Variants in MARCHF3 observed in about 807,000 individuals in gnomAD.
MARCHF3 encodes E3 ubiquitin-protein ligase MARCHF3.
Under a neutral mutation model 24.2 loss-of-function variants are expected in MARCHF3, and 13 were observed. The observed-to-expected ratio is 0.54, with a 90% confidence interval of 0.35 to 0.85. MARCHF3 has a LOEUF of 0.85. Ranked by LOEUF, MARCHF3 falls within the 40% of genes least tolerant of loss-of-function variation. The pLI is 0.01. For missense variants in MARCHF3, 276 were observed against 325.0 expected (o/e 0.85, Z 1.16); for synonymous variants, 144 against 137.3 (o/e 1.05, Z -0.34).
intron 1 of MARCHF3, among the ~76,000 whole-genome samples, chr5:126,922,108 G>A (rs1749128688): frequency 1.3e-5 from 2 of 152,210 alleles, no homozygotes; most frequent in Non-Finnish European, 2.9e-5. Flanking sequence ...GCATAACGAG[G>A]ATGCGGCCAC....
intron 1 of MARCHF3, among the ~76,000 whole-genome samples, chr5:126,934,195 T>A (rs541231090): frequency 1.2e-4 from 19 of 152,294 alleles, no homozygotes; most frequent in Non-Finnish European, 2.2e-4. Flanking sequence ...TTATTTTTTT[T>A]ACAATATTAT....
rs767774237 is a variant in MARCHF3, at chr5:126,915,086, G to A, written c.237C>T (p.Ser79=). ...PMCRICHEGS[S]QEDLLSPCEC... is the part of the protein sequence containing the mutation. The stretch of plus-strand genomic sequence containing the variant: ...CACATGGAGAGAGCAAGTCCTCTTG[G>A]CTGCTGCCCTCGTGGCAGATCCTGC... Residue 79 remains serine (S), a synonymous_variant, in exon 3 of 5, where the codon AGC becomes AGT. Coordinates refer to ENST00000308660, the MANE Select transcript of MARCHF3 (RefSeq NM_178450.5). The A allele has an allele frequency of 6.2e-7, 1 of 1,614,056 alleles. No homozygotes were observed. The highest frequency in any genetic ancestry group is 1.3e-5 in the African/African-American group (1 of 74,922).
intron 2 of MARCHF3, 137 bp from the exon 3 acceptor site, chr5:126,915,271 G>T: frequency 1.3e-6 from 1 of 766,536 alleles, no homozygotes; most frequent in Non-Finnish European, 2.1e-6. Context: ...CTTGACCTTG[G>T]CAATGGGGCA....
chr5:126,914,797 C>CACACACACAA, intron 3 of MARCHF3, 133 bp downstream of exon 3: 1 of 755,942 alleles, frequency 1.3e-6, no homozygotes, highest in Non-Finnish European at 2.2e-6. Flanking sequence ...CACACACACA[C>CACACACACAA]ACACACACAC....
chr5:127,016,096 T>C (rs1671061242), intron 1 of MARCHF3, among the ~76,000 whole-genome samples: 1 of 152,188 alleles, frequency 6.6e-6, no homozygotes. Context: ...TTATTGTTGT[T>C]AATCTCTACT....
intron 3 of MARCHF3, 30 bp from the exon 4 acceptor site, chr5:126,878,424 A>C: frequency 6.3e-7 from 1 of 1,588,400 alleles, no homozygotes; most frequent in Non-Finnish European, 8.6e-7. Context: ...AGAGAAGAGC[A>C]AGGGAGAGGG....
At chr5:127,021,485 T>C (rs977643975) in intron 1 of MARCHF3, among the ~76,000 whole-genome samples, 3 of 152,328 alleles carry the variant, frequency 2.0e-5, no homozygotes, top group Middle Eastern at 3.4e-3. Flanking sequence ...AAGCATTACT[T>C]GGAAAATGGG....
chr5:126,951,717 G>T (rs1327347361), intron 1 of MARCHF3, among the ~76,000 whole-genome samples: 2 of 152,182 alleles, frequency 1.3e-5, no homozygotes, highest in African/African-American at 2.4e-5. Context: ...GCTTTTGGGT[G>T]ATGTTTCATG....
chr5:126,997,881 C>T (rs1752000256), intron 1 of MARCHF3, among the ~76,000 whole-genome samples: 1 of 152,028 alleles, frequency 6.6e-6, no homozygotes, highest in African/African-American at 2.4e-5. Flanking sequence ...GAAACATAGC[C>T]GGTTGTTTTG....
chr5:127,026,851 A>T (rs1199683669), intron 1 of MARCHF3, among the ~76,000 whole-genome samples: 1 of 152,246 alleles, frequency 6.6e-6, no homozygotes, highest in Non-Finnish European at 1.5e-5. Context: ...ACTCTGTAAA[A>T]GTTCCAGTGA....
At chr5:126,878,112 G>A in intron 4 of MARCHF3, 73 bp downstream of exon 4, 1 of 1,460,824 alleles carries the variant, frequency 6.8e-7, no homozygotes, top group Non-Finnish European at 9.5e-7. Flanking sequence ...TTACAGACAA[G>A]AGGAAAGGCT....
At chr5:126,976,312 C>G (rs1347212746) in intron 1 of MARCHF3, among the ~76,000 whole-genome samples, 1 of 152,210 alleles carries the variant, frequency 6.6e-6, no homozygotes, top group African/African-American at 2.4e-5. Flanking sequence ...ATGACTCGAT[C>G]AATTTCACTT....
chr5:126,972,415 A>C (rs2126830151), intron 1 of MARCHF3, among the ~76,000 whole-genome samples: 1 of 152,264 alleles, frequency 6.6e-6, no homozygotes, highest in East Asian at 1.9e-4. Context: ...TTTCTGGGCA[A>C]GGTAGTCTGA....
intron 1 of MARCHF3, among the ~76,000 whole-genome samples, chr5:126,963,615 C>G (rs1750716208): frequency 6.6e-6 from 1 of 152,094 alleles, no homozygotes; most frequent in Non-Finnish European, 1.5e-5. Context: ...ATCTAAGATA[C>G]TAAGCATTTT....
rs138327800 is a variant in MARCHF3 at position 126,958,738 on chromosome 5, A to G, written c.-56-40511T>C. 5.3e-5 allele frequency among the ~76,000 whole-genome samples: 8 copies of G among 152,296 alleles called. No individual in the cohort carries two copies. In the East Asian group the frequency reaches 1.5e-3, roughly 29 times the overall value. ...ATAGAAATTGATTGATTCCTGGCAC[A>G]CAGAGGAGACAAGTTGACAACGGCC... is the stretch of plus-strand genomic sequence containing the variant. On this transcript the variant is annotated intron_variant, in intron 1 of 4. Coordinates refer to ENST00000308660, the MANE Select transcript of MARCHF3 (RefSeq NM_178450.5).
intron 3 of MARCHF3, among the ~76,000 whole-genome samples, chr5:126,907,275 TG>T (rs1466425341): frequency 2.1e-5 from 3 of 143,596 alleles, no homozygotes; most frequent in African/African-American, 8.0e-5. Context: ...GGTGTGGTGC[TG>T]AAAAAAATGT....
intron 1 of MARCHF3, among the ~76,000 whole-genome samples, chr5:126,996,326 A>C (rs1751946521): frequency 1.3e-5 from 2 of 152,232 alleles, no homozygotes; most frequent in South Asian, 4.1e-4. Context: ...TTAAGGAATC[A>C]TTAAGCAGCT....
At chr5:126,943,668 A>G (rs1392030994) in intron 1 of MARCHF3, among the ~76,000 whole-genome samples, 2 of 152,126 alleles carry the variant, frequency 1.3e-5, no homozygotes, top group Non-Finnish European at 2.9e-5. Flanking sequence ...TATCTTATTG[A>G]ATCCTTATAA....
In MARCHF3 at chr5:126,878,412, A is replaced by T. The variant is rs1753241724; in HGVS notation, c.394-18T>A. 1 of 1,602,572 alleles carries T rather than the reference A, an allele frequency of 6.2e-7. No individual in the cohort carries two copies. Among genetic ancestry groups the T allele is most frequent in the Admixed American group, 1.7e-5 (1 of 58,100 alleles). The stretch of plus-strand genomic sequence containing the variant: ...CTCAGCCACTGCCAGGTAAAGGGAG[A>T]CAGAGAAGAGCAAGGGAGAGGGTTA... On this transcript the variant is annotated intron_variant, in intron 3 of 4. Transcript: ENST00000308660.
Sources: allele counts gnomAD v4.1 joint callset (sites outside exome capture counted in the v4.1 genomes callset), GRCh38; gene constraint gnomAD v4.1.1; transcripts MANE v1.5; gene names NCBI Gene and HGNC (gene_info 2026-07-23, HGNC 2026-07-21).